PHF21B: variants seen among roughly 807,000 people sequenced by gnomAD.
PHF21B encodes PHD finger protein 21B, also known as PHD finger protein 4.
PHF21B carries 22 observed loss-of-function variants against 62.2 expected under a neutral mutation model. The ratio of observed to expected loss-of-function variants is 0.35; its 90% CI spans 0.25 to 0.51. The LOEUF (loss-of-function observed/expected upper bound fraction) is 0.51, where lower values mean the gene tolerates loss of function less well. Ranked by LOEUF, PHF21B falls within the 20% of genes least tolerant of loss-of-function variation. PHF21B has a pLI of 0.97. For synonymous variants in PHF21B, 341 were observed against 314.7 expected, an observed-to-expected ratio of 1.08 and a Z score of -0.88; for missense variants, 701 against 707.9, an observed-to-expected ratio of 0.99 and a Z score of 0.11.
At position 45,009,337 on chromosome 22, in the gene PHF21B, G is replaced by A. The variant is rs899166134; in HGVS notation, c.54+159C>T. On this transcript the variant is annotated intron_variant, in intron 1 of 12. Transcript: ENST00000313237. The surrounding 1 kb of genome is among the most constrained non-coding windows in gnomAD (Gnocchi z 5.9). ...GGCAGGCGGAGGGGAGCCCAGAAGG[G>A]GGTCCGCGCGTGTGCTCACTCCCTC... 16 of 731,228 alleles carry A rather than the reference G, an allele frequency of 2.2e-5. No individual in the cohort carries two copies. The highest frequency in any genetic ancestry group is 3.2e-5 in the Non-Finnish European group (15 of 469,518). 45.3% of individuals were successfully genotyped at this position (731,228 alleles called of 1,614,324 possible). A position where few individuals can be genotyped will look rare whatever the true frequency, so the allele number is the denominator to read the frequency against.
intron 3 of PHF21B, among the ~76,000 whole-genome samples, chr22:44,918,522 C>A (rs1328324964): frequency 6.6e-6 from 1 of 152,210 alleles, no homozygotes. Flanking sequence ...CCGGGAAGCC[C>A]CCGGGTCCAC....
chr22:44,905,814 G>A (rs1181393646), intron 5 of PHF21B, among the ~76,000 whole-genome samples: 2 of 152,168 alleles, frequency 1.3e-5, no homozygotes, highest in Non-Finnish European at 2.9e-5. Flanking sequence ...ATTTTGAGTA[G>A]AGACAGGGTT....
intron 2 of PHF21B, among the ~76,000 whole-genome samples, chr22:44,982,531 G>A (rs1329538187): frequency 6.6e-6 from 1 of 152,158 alleles, no homozygotes; most frequent in Non-Finnish European, 1.5e-5. Flanking sequence ...CTCCTCCACA[G>A]GCCCAAGTGC....
chr22:44,902,233 C>T (rs1569216415), intron 5 of PHF21B: 1 of 201,312 alleles, frequency 5.0e-6, no homozygotes, highest in Non-Finnish European at 1.1e-5. Flanking sequence ...TGCAGAACCC[C>T]AGACACCAGA....
rs555726666 is a variant in PHF21B, at chr22:44,897,937, T to C, written c.832-1854A>G. ...AATTCTCCTGCCTCAGCCTCCCAAG[T>C]AACTGAGACTACAGGTGCACACCAC... On this transcript the variant is annotated intron_variant, in intron 5 of 12. Transcript: ENST00000313237. Among the ~76,000 whole-genome samples, 8 of 152,212 alleles carry C rather than the reference T, an allele frequency of 5.3e-5. No individual in the cohort carries two copies. In the South Asian group the frequency reaches 1.7e-3, roughly 32 times the overall value.
At chr22:44,973,428 A>C (rs1304413227) in intron 2 of PHF21B, among the ~76,000 whole-genome samples, 4 of 152,192 alleles carry the variant, frequency 2.6e-5, no homozygotes, top group Non-Finnish European at 4.4e-5. Flanking sequence ...CAACCCTAAA[A>C]CTAAAGAGAC....
intron 2 of PHF21B, among the ~76,000 whole-genome samples, chr22:44,974,850 T>C (rs1445152195): frequency 6.6e-6 from 1 of 152,258 alleles, no homozygotes; most frequent in Non-Finnish European, 1.5e-5. Context: ...ATGAATAGCG[T>C]AATATTCTCT....
At chr22:44,971,914 G>A (rs1453333447) in intron 2 of PHF21B, among the ~76,000 whole-genome samples, 4 of 152,260 alleles carry the variant, frequency 2.6e-5, no homozygotes, top group Admixed American at 6.5e-5. Context: ...GCGCCCCACA[G>A]CTGCTAATAA....
chr22:44,940,748 G>A (rs2071940189), intron 2 of PHF21B, among the ~76,000 whole-genome samples: 1 of 152,162 alleles, frequency 6.6e-6, no homozygotes, highest in African/African-American at 2.4e-5. Context: ...CCCAACAGCT[G>A]GGACCTTCCA....
At chr22:44,924,051 A>AGAGGGAGG (rs199677263) in intron 2 of PHF21B, among the ~76,000 whole-genome samples, 5 of 84,354 alleles carry the variant, frequency 5.9e-5, no homozygotes, top group African/African-American at 2.3e-4. Flanking sequence ...AGGAGGAAGA[A>AGAGGGAGG]GAGGGAGGGA....
intron 2 of PHF21B, among the ~76,000 whole-genome samples, chr22:44,932,334 C>T (rs933479275): frequency 9.9e-5 from 15 of 152,168 alleles, no homozygotes; most frequent in African/African-American, 3.1e-4. Context: ...CTTACTCGTC[C>T]CTGTGTCACA....
chr22:44,984,550 G>A (rs2147487393), intron 2 of PHF21B, among the ~76,000 whole-genome samples: 1 of 152,314 alleles, frequency 6.6e-6, no homozygotes, highest in Admixed American at 6.5e-5. Context: ...CAAGGGGCTG[G>A]CTCTGAGGGC....
At chr22:44,899,098 A>G (rs557135328) in intron 5 of PHF21B, among the ~76,000 whole-genome samples, 1 of 152,210 alleles carries the variant, frequency 6.6e-6, no homozygotes, top group African/African-American at 2.4e-5. Flanking sequence ...TTTCCTGTTC[A>G]GTTTCCTGGC....
intron 2 of PHF21B, among the ~76,000 whole-genome samples, chr22:44,964,753 C>T (rs1227533671): frequency 1.3e-5 from 2 of 152,184 alleles, no homozygotes; most frequent in Non-Finnish European, 2.9e-5. Flanking sequence ...ATTTTAAAAG[C>T]CTCTTTTTTT....
At chr22:44,981,350 G>A (rs1473449934) in intron 2 of PHF21B, among the ~76,000 whole-genome samples, 4 of 152,106 alleles carry the variant, frequency 2.6e-5, no homozygotes, top group Non-Finnish European at 5.9e-5. Flanking sequence ...GCTCCTTCTC[G>A]TGACCCCCTC....
At chr22:44,887,754 CAAAAAAAAAAAA>C (rs59049105) in intron 10 of PHF21B, among the ~76,000 whole-genome samples, 197 bp downstream of exon 10, 3 of 72,312 alleles carry the variant, frequency 4.1e-5, no homozygotes, top group Non-Finnish European at 6.2e-5. Flanking sequence ...GACTCTGTCT[CAAAAAAAAAAAA>C]AAAAAAAAAA....
chr22:44,981,552 C>G (rs895916181), intron 2 of PHF21B, among the ~76,000 whole-genome samples: 2 of 152,224 alleles, frequency 1.3e-5, no homozygotes, highest in Non-Finnish European at 2.9e-5. Flanking sequence ...ATGTGACTTT[C>G]CTGATTCTGC....
intron 2 of PHF21B, among the ~76,000 whole-genome samples, chr22:44,961,595 C>T (rs577406530): frequency 6.6e-6 from 1 of 152,134 alleles, no homozygotes; most frequent in South Asian, 2.1e-4. Context: ...AATACGAGCA[C>T]TTTGGGAGGC....
At chr22:45,008,483 C>A in intron 2 of PHF21B, 62 bp downstream of exon 2, 1 of 1,438,980 alleles carries the variant, frequency 6.9e-7, no homozygotes, top group South Asian at 1.4e-5. Flanking sequence ...TTTAGGGCGC[C>A]GCCAAAGTGC....
Sources: allele counts gnomAD v4.1 joint callset (sites outside exome capture counted in the v4.1 genomes callset), GRCh38; gene constraint gnomAD v4.1.1; non-coding constraint Gnocchi (gnomAD v3.1); transcripts MANE v1.5; gene names NCBI Gene and HGNC (gene_info 2026-07-23, HGNC 2026-07-21).